Variants in SOAT1 observed in about 807,000 individuals in gnomAD.
SOAT1 encodes the protein acyl-coenzyme A:cholesterol acyltransferase 1.
In SOAT1, 55 loss-of-function variants were observed where a neutral mutation model predicts 69.5. The observed-to-expected ratio is 0.79, with a 90% CI of 0.64 to 0.99. The LOEUF is 0.99. Ranked by LOEUF, SOAT1 falls within the 50% of genes least tolerant of loss-of-function variation. The probability of loss-of-function intolerance (pLI) is 0.00; values close to 1 mark genes in which losing one functional copy is unlikely to be tolerated. For missense variants in SOAT1, 580 were observed against 669.3 expected (o/e 0.87, Z 1.47); for synonymous variants, 231 against 224.7 (o/e 1.03, Z -0.25).
chr1:179,298,204 C>T (rs1664718352), intron 1 of SOAT1, among the ~76,000 whole-genome samples: 1 of 151,994 alleles, frequency 6.6e-6, no homozygotes, highest in African/African-American at 2.4e-5. Context: ...CTGCCTCAGC[C>T]TCCTGAGTAG....
Position 179,302,839 on chromosome 1 carries a change from A to C in SOAT1, c.118+37A>C, listed in dbSNP as rs370828372. ...TTTTTTTTTTTTAGGTGAATTAGTGAAATAGAGAACAAATACAGTGTTATA... is the reference window on the plus strand; with the variant it reads ...TTTTTTTTTTTTAGGTGAATTAGTGCAATAGAGAACAAATACAGTGTTATA... On this transcript the variant is annotated intron_variant, in intron 2 of 15. Coordinates refer to ENST00000367619, the MANE Select transcript of SOAT1 (RefSeq NM_003101.6). 14 of 1,116,184 alleles carry C rather than the reference A, an allele frequency of 1.3e-5. No homozygotes were observed. In the African/African-American group the frequency reaches 2.2e-4, roughly 18 times the overall value. 69.1% of individuals were successfully genotyped at this position (1,116,184 alleles called of 1,614,324 possible). A position where few individuals can be genotyped will look rare whatever the true frequency, so the allele number is the denominator to read the frequency against.
chr1:179,312,731 A>G (rs1665261957), intron 2 of SOAT1, among the ~76,000 whole-genome samples: 1 of 152,172 alleles, frequency 6.6e-6, no homozygotes, highest in Admixed American at 6.6e-5. Flanking sequence ...GTAGGTAACC[A>G]TTGCTCCTTT....
intron 3 of SOAT1, among the ~76,000 whole-genome samples, chr1:179,329,769 G>A (rs569678304): frequency 9.2e-5 from 14 of 151,886 alleles, no homozygotes; most frequent in Non-Finnish European, 1.5e-4. Flanking sequence ...TTTATTGGCC[G>A]ACTGCTGGAG....
intron 2 of SOAT1, among the ~76,000 whole-genome samples, chr1:179,307,925 G>A (rs1665067047): frequency 6.6e-6 from 1 of 151,964 alleles, no homozygotes. Flanking sequence ...CCAAGTAGCT[G>A]GGATTACAGG....
chr1:179,353,328 AAAGTCC>A (rs1666812460), intron 15 of SOAT1, among the ~76,000 whole-genome samples: 1 of 147,346 alleles, frequency 6.8e-6, no homozygotes, highest in African/African-American at 2.5e-5. Context: ...GAAACTGGTC[AAAGTCC>A]ACACAATTGT....
intron 2 of SOAT1, among the ~76,000 whole-genome samples, chr1:179,316,997 G>GA (rs774131169): frequency 3.3e-5 from 5 of 151,996 alleles, no homozygotes; most frequent in Non-Finnish European, 5.9e-5. Flanking sequence ...TATATTAAGT[G>GA]AAAAAAACAG....
intron 11 of SOAT1, among the ~76,000 whole-genome samples, chr1:179,347,185 G>C (rs6425535): frequency 0.67 from 102,161 of 151,642 alleles, 34,579 homozygotes; most frequent in East Asian, 0.88. Context: ...GGTGAAACCC[G>C]GTCTCTACTA....
At chr1:179,352,424 G>A (rs1350986806) in intron 15 of SOAT1, among the ~76,000 whole-genome samples, 1 of 152,102 alleles carries the variant, frequency 6.6e-6, no homozygotes, top group Non-Finnish European at 1.5e-5. Context: ...AACACCCTAA[G>A]AAGTAGGATT....
chr1:179,351,342 T>C lies in SOAT1; in HGVS notation c.1476T>C (p.Asp492=), dbSNP rs184723206. 7 of 1,614,138 alleles carry C rather than the reference T, an allele frequency of 4.3e-6. No individual in the cohort carries two copies. The East Asian group carries it at 1.6e-4, about 36-fold the overall frequency. ...FGMAFNFIVN[D]SRKKPIWNVL... The stretch of plus-strand genomic sequence containing the variant: ...TGGCTTTCAACTTCATTGTCAATGA[T>C]AGTCGGAAAAAGCCGATTTGGAATG... The change falls in exon 15 of 16, where the codon GAT becomes GAC. Residue 492 remains aspartate, a synonymous_variant. Transcript: ENST00000367619.
chr1:179,338,510 C>T (rs1031746699), intron 5 of SOAT1, among the ~76,000 whole-genome samples: 2 of 152,076 alleles, frequency 1.3e-5, no homozygotes, highest in South Asian at 2.1e-4. Context: ...TACTACTTCC[C>T]CTAGATAAGA....
intron 4 of SOAT1, among the ~76,000 whole-genome samples, chr1:179,336,554 T>G (rs1666166113): frequency 1.3e-5 from 2 of 151,882 alleles, no homozygotes; most frequent in Non-Finnish European, 2.9e-5. Context: ...ATGAATTCAT[T>G]TAAACCAAAC....
In SOAT1 at chr1:179,305,909, G is replaced by A. The variant is rs180907626; in HGVS notation, c.118+3107G>A. On this transcript the variant is annotated intron_variant, in intron 2 of 15. Transcript: ENST00000367619. ...AAAAAATCCTTTGTTATAAATAGGA[G>A]CTAAGTGAGTTATAGTAACCAAATA... is the stretch of plus-strand genomic sequence containing the variant. Among the ~76,000 whole-genome samples, 18 of 152,314 alleles carry A rather than the reference G, an allele frequency of 1.2e-4. No homozygotes were observed. In the East Asian group the frequency reaches 2.5e-3, roughly 21 times the overall value.
chr1:179,342,229 C>T (rs747251115), intron 8 of SOAT1, 37 bp downstream of exon 8: 5 of 1,349,082 alleles, frequency 3.7e-6, no homozygotes, highest in Non-Finnish European at 5.2e-6. Flanking sequence ...TCTTCCTCCC[C>T]TCCCCTCCTC....
intron 2 of SOAT1, among the ~76,000 whole-genome samples, chr1:179,303,694 C>G (rs1664911287): frequency 6.6e-6 from 1 of 152,078 alleles, no homozygotes; most frequent in African/African-American, 2.4e-5. Flanking sequence ...TTGATAGGCT[C>G]TTAGTTAGCT....
intron 10 of SOAT1, among the ~76,000 whole-genome samples, chr1:179,344,382 T>G (rs1306701193): frequency 2.9e-5 from 3 of 104,394 alleles, no homozygotes; most frequent in Admixed American, 1.0e-4. Flanking sequence ...TTTTTTTTTT[T>G]TTTTTTTTTT....
At chr1:179,329,582 C>T (rs1665905660) in intron 3 of SOAT1, among the ~76,000 whole-genome samples, 1 of 151,442 alleles carries the variant, frequency 6.6e-6, no homozygotes, top group African/African-American at 2.4e-5. Context: ...TTAGGCGGGT[C>T]TGGTGGTATA....
At chr1:179,337,996 G>T in intron 5 of SOAT1, 100 bp downstream of exon 5, 1 of 728,080 alleles carries the variant, frequency 1.4e-6, no homozygotes. Context: ...TTCTGTATCT[G>T]TATAAATCAT....
chr1:179,324,619 T>C (rs1183878818), intron 3 of SOAT1, among the ~76,000 whole-genome samples: 1 of 152,216 alleles, frequency 6.6e-6, no homozygotes, highest in African/African-American at 2.4e-5. Flanking sequence ...TAAGTTACCT[T>C]TGTAAGCCTC....
chr1:179,297,536 C>T (rs944394186), intron 1 of SOAT1, among the ~76,000 whole-genome samples: 1 of 151,802 alleles, frequency 6.6e-6, no homozygotes, highest in Non-Finnish European at 1.5e-5. Flanking sequence ...GGGGTTTCAT[C>T]ATCTTGGCCA....
Sources: gnomAD v4.1 joint callset for allele counts (sites outside exome capture counted in the v4.1 genomes callset) on GRCh38, gnomAD v4.1.1 for gene constraint, MANE v1.5 for transcripts, NCBI Gene and HGNC (gene_info 2026-07-23, HGNC 2026-07-21) for gene names.